FABP12: variants seen among roughly 807,000 people sequenced by gnomAD.
FABP12 encodes the protein fatty acid-binding protein 12.
Under a neutral mutation model 13.7 loss-of-function variants are expected in FABP12, and 19 were observed. That is an observed-to-expected ratio of 1.39 (90% CI 0.97 to 2.04). The LOEUF (loss-of-function observed/expected upper bound fraction) is 2.04. FABP12 is among the 30% of genes most tolerant of loss of function. The pLI is 0.00. For missense variants in FABP12, 182 were observed against 164.2 expected (o/e 1.11, Z -0.59); for synonymous variants, 61 against 57.0 (o/e 1.07, Z -0.32).
At chr8:81,579,003 T>C (rs1376635441) in intron 1 of FABP12, among the ~76,000 whole-genome samples, 1 of 151,314 alleles carries the variant, frequency 6.6e-6, no homozygotes, top group Non-Finnish European at 1.5e-5. Context: ...TAATTTTTTG[T>C]ATTTTTAGTA....
At chr8:81,544,233 G>T (rs998511306) in intron 1 of FABP12, among the ~76,000 whole-genome samples, 1 of 152,212 alleles carries the variant, frequency 6.6e-6, no homozygotes, top group Non-Finnish European at 1.5e-5. Context: ...TATGGCAACA[G>T]AAATGTGTTC....
chr8:81,533,592 C>A (rs768382119), intron 1 of FABP12, among the ~76,000 whole-genome samples: 1 of 152,204 alleles, frequency 6.6e-6, no homozygotes, highest in African/African-American at 2.4e-5. Context: ...AAGTCCCCCC[C>A]ACATCCCAAG....
chr8:81,556,409 CTCAT>C (rs1196749441), intron 1 of FABP12, among the ~76,000 whole-genome samples: 5 of 152,130 alleles, frequency 3.3e-5, no homozygotes, highest in African/African-American at 2.4e-5. Context: ...GGACAGAAAA[CTCAT>C]TACCATGGTG....
At chr8:81,542,459 A>C (rs1446503746) in intron 1 of FABP12, among the ~76,000 whole-genome samples, 1 of 152,136 alleles carries the variant, frequency 6.6e-6, no homozygotes, top group Non-Finnish European at 1.5e-5. Context: ...CAGTCAAATG[A>C]CTTGGAGGTA....
intron 4 of FABP12, among the ~76,000 whole-genome samples, 198 bp downstream of exon 4, chr8:81,526,822 C>T (rs1036322551): frequency 6.6e-5 from 10 of 151,820 alleles, no homozygotes; most frequent in African/African-American, 2.4e-4. Flanking sequence ...TTTTCATTCT[C>T]TTTAGTTTTT....
chr8:81,554,731 T>C (rs1347136620), intron 1 of FABP12, among the ~76,000 whole-genome samples: 1 of 152,090 alleles, frequency 6.6e-6, no homozygotes, highest in Non-Finnish European at 1.5e-5. Flanking sequence ...TTGGCTTCCC[T>C]GGGCCCCATT....
intron 1 of FABP12, among the ~76,000 whole-genome samples, chr8:81,546,981 T>A (rs1211489050): frequency 1.3e-5 from 2 of 152,314 alleles, no homozygotes; most frequent in Non-Finnish European, 2.9e-5. Context: ...TCCTAAGAGT[T>A]CTTTGCAAAA....
At chr8:81,564,694 G>A (rs990806017) in intron 1 of FABP12, among the ~76,000 whole-genome samples, 1 of 151,868 alleles carries the variant, frequency 6.6e-6, no homozygotes, top group African/African-American at 2.4e-5. Context: ...AACAACAGAT[G>A]CACAAAAATT....
At chr8:81,573,935 A>G (rs1427084250) in intron 1 of FABP12, among the ~76,000 whole-genome samples, 1 of 152,026 alleles carries the variant, frequency 6.6e-6, no homozygotes, top group East Asian at 1.9e-4. Flanking sequence ...ACTGAATCGG[A>G]TGGCTTATTT....
At chr8:81,536,737 A>G (rs1809231415), upstream of FABP12, among the ~76,000 whole-genome samples, 1 of 152,248 alleles carries the variant, frequency 6.6e-6, no homozygotes, top group Non-Finnish European at 1.5e-5. Flanking sequence ...CTGGAGAATA[A>G]GTTGATATTT....
At chr8:81,553,157 G>A (rs1348011455) in intron 1 of FABP12, among the ~76,000 whole-genome samples, 28 of 152,302 alleles carry the variant, frequency 1.8e-4, no homozygotes, top group Non-Finnish European at 2.9e-5. Context: ...GAGACCTAGA[G>A]AAGAAGGGAT....
At chr8:81,528,983 T>G (rs911596617) in intron 3 of FABP12, among the ~76,000 whole-genome samples, 10 of 152,102 alleles carry the variant, frequency 6.6e-5, no homozygotes, top group African/African-American at 2.2e-4. Context: ...ACGTATGTAC[T>G]ATAAGTTAGA....
At chr8:81,585,023 T>C (rs1409885205) in intron 1 of FABP12, among the ~76,000 whole-genome samples, 1 of 152,222 alleles carries the variant, frequency 6.6e-6, no homozygotes, top group African/African-American at 2.4e-5. Flanking sequence ...TTTTCTTCCA[T>C]TCCGTGGATT....
chr8:81,556,307 G>A lies in FABP12; in HGVS notation c.-184-16564C>T, dbSNP rs531882871. Among the ~76,000 whole-genome samples the A allele has an allele frequency of 2.3e-4, 35 of 152,126 alleles. No homozygotes were observed. The East Asian group carries it at 6.8e-3, about 29-fold the overall frequency. On this transcript the variant is annotated intron_variant, in intron 1 of 5. Coordinates refer to the FABP12 transcript ENST00000692030. ...GAATGTGTAGATGGACAAAGTTTAG[G>A]GTAAAAGTTAATGTGTTTGAAAAAA... is the stretch of plus-strand genomic sequence containing the variant.
intron 1 of FABP12, among the ~76,000 whole-genome samples, chr8:81,561,699 G>T (rs892187994): frequency 6.6e-6 from 1 of 152,122 alleles, no homozygotes; most frequent in African/African-American, 2.4e-5. Context: ...TGTCAAAGCC[G>T]AAAGCAACAC....
chr8:81,543,125 A>G (rs1809378851), intron 1 of FABP12, among the ~76,000 whole-genome samples: 1 of 152,236 alleles, frequency 6.6e-6, no homozygotes, highest in Admixed American at 6.5e-5. Context: ...ACAATGAAAT[A>G]TCCAGTAGTA....
At chr8:81,553,953 G>T (rs903265906) in intron 1 of FABP12, among the ~76,000 whole-genome samples, 1 of 152,104 alleles carries the variant, frequency 6.6e-6, no homozygotes, top group African/African-American at 2.4e-5. Context: ...GATGCAGCAC[G>T]CAGAGAATCT....
exon 5 of FABP12, chr8:81,525,061 T>G: frequency 6.3e-7 from 1 of 1,597,078 alleles, no homozygotes; most frequent in South Asian, 1.1e-5. Flanking sequence ...AGTTTGAGAC[T>G]GAGTTTGATG....
chr8:81,576,593 C>T (rs1810051121), intron 1 of FABP12, among the ~76,000 whole-genome samples: 1 of 152,018 alleles, frequency 6.6e-6, no homozygotes, highest in Admixed American at 6.6e-5. Flanking sequence ...ATATCTTAGA[C>T]AATATATATT....
Sources: allele counts gnomAD v4.1 joint callset (sites outside exome capture counted in the v4.1 genomes callset), GRCh38; gene constraint gnomAD v4.1.1; transcripts MANE v1.5; gene names NCBI Gene and HGNC (gene_info 2026-07-23, HGNC 2026-07-21).